The following ROBO1 variants were observed in gnomAD, a reference collection of about 807,000 sequenced individuals.
The protein encoded by ROBO1 is roundabout guidance receptor 1, also known as roundabout homolog 1.
A neutral mutation model predicts 195.9 loss-of-function variants in ROBO1; 149 were observed. The ratio of observed to expected loss-of-function variants is 0.76; its 90% CI spans 0.67 to 0.87. The LOEUF is 0.87. Ranked by LOEUF, ROBO1 falls within the 40% of genes least tolerant of loss-of-function variation. ROBO1 has a pLI of 0.00. For missense variants in ROBO1, 1,933 were observed against 2,068.3 expected (o/e 0.93, Z 1.27); for synonymous variants, 816 against 733.2 (o/e 1.11, Z -1.82).
chr3:79,189,015 C>A (rs2081491608), intron 2 of ROBO1, among the ~76,000 whole-genome samples: 2 of 151,766 alleles, frequency 1.3e-5, no homozygotes, highest in South Asian at 4.1e-4. Flanking sequence ...AAGTGCAACA[C>A]CGTATATCTA....
Position 79,161,163 on chromosome 3 carries a change from A to C in ROBO1, c.89-35624T>G, listed in dbSNP as rs1329809846. ...GTATAATTGGTACTTAATTATGCAG[A>C]TTTAGCAAATGGCAGAAGGACAGTT... On this transcript the variant is annotated intron_variant, in intron 2 of 30. Transcript: ENST00000464233. 2.6e-5 allele frequency among the ~76,000 whole-genome samples: 4 copies of C among 152,190 alleles called. No homozygotes were observed. In the East Asian group the frequency reaches 7.8e-4, roughly 30 times the overall value.
intron 5 of ROBO1, among the ~76,000 whole-genome samples, chr3:78,743,474 A>G (rs9862358): frequency 0.055 from 8,318 of 152,054 alleles, 719 homozygotes; most frequent in African/African-American, 0.19. Context: ...CCTCTTCTCC[A>G]TGAGAACTAA....
chr3:79,730,615 T>TTTTCA (rs926822344), intron 1 of ROBO1, among the ~76,000 whole-genome samples: 32 of 152,130 alleles, frequency 2.1e-4, no homozygotes, highest in African/African-American at 6.0e-4. Context: ...GAATGCTTTC[T>TTTTCA]TTTCATTTCA....
At chr3:79,354,023 C>T (rs12638565) in intron 2 of ROBO1, among the ~76,000 whole-genome samples, 29,940 of 150,500 alleles carry the variant, frequency 0.2, 3,104 homozygotes, top group Middle Eastern at 0.26. Context: ...CCAGCCTGGG[C>T]GACAGAGCGA....
intron 3 of ROBO1, among the ~76,000 whole-genome samples, chr3:79,031,592 C>T (rs2078296563): frequency 6.6e-6 from 1 of 152,194 alleles, no homozygotes; most frequent in South Asian, 2.1e-4. Flanking sequence ...CTTAATATCG[C>T]TAGCACCTAT....
intron 3 of ROBO1, 33 bp from the exon 4 acceptor site, chr3:78,938,960 T>C: frequency 6.5e-7 from 1 of 1,546,512 alleles, no homozygotes; most frequent in South Asian, 1.2e-5. Flanking sequence ...TCTTCGTATA[T>C]CACTTGAAAA....
At position 78,946,529 on chromosome 3, in the gene ROBO1, A is replaced by G. The variant is rs1004114418; in HGVS notation, c.173-7602T>C. 5.3e-4 allele frequency among the ~76,000 whole-genome samples: 80 copies of G among 152,348 alleles called. 2 individuals carry two copies. Among genetic ancestry groups the G allele is most frequent in the Admixed American group, 2.4e-3 (36 of 15,308 alleles). On this transcript the variant is annotated intron_variant, in intron 3 of 30. Transcript: ENST00000464233. ...AAAGAGCTCCTGAAGGAAGCACTAAATGTGGAAAGGAACAACTGGTAACAG... is the reference window on the plus strand; with the variant it reads ...AAAGAGCTCCTGAAGGAAGCACTAAGTGTGGAAAGGAACAACTGGTAACAG...
At chr3:79,056,642 G>T (rs1418665407) in intron 3 of ROBO1, among the ~76,000 whole-genome samples, 1 of 152,094 alleles carries the variant, frequency 6.6e-6, no homozygotes, top group Non-Finnish European at 1.5e-5. Flanking sequence ...TTTCTATGCT[G>T]CAGGGAGATT....
chr3:79,690,824 A>C (rs1236580448), intron 1 of ROBO1, among the ~76,000 whole-genome samples: 1 of 151,792 alleles, frequency 6.6e-6, no homozygotes, highest in Non-Finnish European at 1.5e-5. Context: ...TCTTAACATA[A>C]TTTGTCATCT....
intron 4 of ROBO1, among the ~76,000 whole-genome samples, chr3:78,899,163 CAT>C (rs1222897463): frequency 1.3e-5 from 2 of 152,094 alleles, no homozygotes; most frequent in African/African-American, 2.4e-5. Flanking sequence ...AGAATAAAAA[CAT>C]ACCACTTTTT....
intron 14 of ROBO1, 79 bp from the exon 15 acceptor site, chr3:78,662,193 T>C: frequency 7.2e-7 from 1 of 1,382,956 alleles, no homozygotes; most frequent in Admixed American, 2.3e-5. Context: ...AACAAACTGT[T>C]CATTCATAGC....
At chr3:79,686,605 C>T (rs1011827472) in intron 1 of ROBO1, among the ~76,000 whole-genome samples, 18 of 152,128 alleles carry the variant, frequency 1.2e-4, no homozygotes, top group Non-Finnish European at 2.4e-4. Flanking sequence ...CATGAGTGAA[C>T]TCCCATTCAC....
intron 4 of ROBO1, among the ~76,000 whole-genome samples, chr3:78,852,547 GA>G (rs1179819849): frequency 6.6e-6 from 1 of 152,108 alleles, no homozygotes; most frequent in Non-Finnish European, 1.5e-5. Context: ...TTTTTCATTA[GA>G]ATCATTTAAT....
rs1317263681 is a variant in ROBO1 at position 78,598,736 on chromosome 3, C to A, written c.*177G>T. The stretch of plus-strand genomic sequence containing the variant: ...GCTCTTTGTAGGGTTAGGGATCAAA[C>A]AACAACAATAAAAACCCAATAAAGT... On this transcript the variant is annotated 3_prime_UTR_variant, in exon 31 of 31. Coordinates refer to ENST00000464233, the MANE Select transcript of ROBO1 (RefSeq NM_002941.4). 4 of 438,542 alleles carry A rather than the reference C, an allele frequency of 9.1e-6. No individual in the cohort carries two copies. The highest frequency in any genetic ancestry group is 3.9e-5 in the Admixed American group (1 of 25,560). The allele number at this position is 438,542 out of a possible 1,614,324, so 27.2% of individuals were successfully genotyped here.
intron 4 of ROBO1, among the ~76,000 whole-genome samples, chr3:78,832,699 A>C (rs1197942337): frequency 6.6e-6 from 1 of 152,186 alleles, no homozygotes; most frequent in Middle Eastern, 3.2e-3. Context: ...GAAGAGTGAT[A>C]TCTAACGAGG....
intron 3 of ROBO1, among the ~76,000 whole-genome samples, chr3:78,949,413 G>A (rs1281313634): frequency 6.8e-6 from 1 of 147,628 alleles, no homozygotes; most frequent in Non-Finnish European, 1.5e-5. Context: ...AATGGGGAAA[G>A]GATTCCCTAT....
At chr3:79,582,701 A>T (rs974784859) in intron 2 of ROBO1, among the ~76,000 whole-genome samples, 1 of 152,046 alleles carries the variant, frequency 6.6e-6, no homozygotes, top group Non-Finnish European at 1.5e-5. Context: ...CAGAGTTTAC[A>T]GATAAAGCTG....
intron 26 of ROBO1, among the ~76,000 whole-genome samples, chr3:78,619,894 T>C (rs1350303752): frequency 1.3e-5 from 2 of 151,282 alleles, no homozygotes; most frequent in African/African-American, 4.9e-5. Flanking sequence ...GGTGCATGCC[T>C]GTAATCCCAG....
chr3:78,684,440 T>C (rs1483281365), intron 10 of ROBO1, among the ~76,000 whole-genome samples: 2 of 152,180 alleles, frequency 1.3e-5, no homozygotes, highest in Non-Finnish European at 2.9e-5. Flanking sequence ...AAATGTTCCA[T>C]ATCTTGATCG....
Sources: allele counts gnomAD v4.1 joint callset (sites outside exome capture counted in the v4.1 genomes callset), GRCh38; gene constraint gnomAD v4.1.1; transcripts MANE v1.5; gene names NCBI Gene and HGNC (gene_info 2026-07-23, HGNC 2026-07-21).